SESTD1: variants seen among roughly 807,000 people sequenced by gnomAD.
SESTD1 encodes SEC14 and spectrin domain containing 1.
In SESTD1, 43 loss-of-function variants were observed where a neutral mutation model predicts 101.7. The observed-to-expected ratio is 0.42, with a 90% confidence interval of 0.33 to 0.55. The LOEUF is 0.55. Ranked by LOEUF, SESTD1 falls within the 20% of genes least tolerant of loss-of-function variation. The pLI is 0.07. For synonymous variants in SESTD1, 283 were observed against 286.8 expected (o/e 0.99, Z 0.13); for missense variants, 647 against 815.1 (o/e 0.79, Z 2.51).
chr2:179,205,289 T>G (rs1219542015), intron 1 of SESTD1, among the ~76,000 whole-genome samples: 1 of 132,440 alleles, frequency 7.6e-6, no homozygotes, highest in East Asian at 2.0e-4. Context: ...TCAAACCTAA[T>G]TAAACAGCAT....
intron 3 of SESTD1, among the ~76,000 whole-genome samples, chr2:179,178,560 C>T (rs1170427708): frequency 6.6e-6 from 1 of 152,122 alleles, no homozygotes; most frequent in African/African-American, 2.4e-5. Context: ...TGGAGTTCTC[C>T]ACCAACAAAA....
intron 10 of SESTD1, among the ~76,000 whole-genome samples, chr2:179,130,462 A>T (rs966385352): frequency 2.0e-5 from 3 of 152,266 alleles, no homozygotes; most frequent in Non-Finnish European, 1.5e-5. Flanking sequence ...TAAAAATACA[A>T]AACCAACATC....
intron 13 of SESTD1, among the ~76,000 whole-genome samples, chr2:179,117,899 A>C (rs966323755): frequency 1.3e-5 from 2 of 152,148 alleles, no homozygotes; most frequent in African/African-American, 2.4e-5. Context: ...GTACACTAAA[A>C]CCCAAAAAAA....
chr2:179,170,164 C>A (rs1422614658), intron 5 of SESTD1, among the ~76,000 whole-genome samples: 1 of 149,672 alleles, frequency 6.7e-6, no homozygotes. Flanking sequence ...CAACAAAAGT[C>A]TGATTAATAA....
At chr2:179,116,176 A>T (rs560602072) in intron 15 of SESTD1, among the ~76,000 whole-genome samples, 1 of 151,954 alleles carries the variant, frequency 6.6e-6, no homozygotes, top group South Asian at 2.1e-4. Flanking sequence ...CAGGTGGCTG[A>T]GGCATGAGAA....
chr2:179,145,859 T>C (rs1002052873), intron 8 of SESTD1, among the ~76,000 whole-genome samples: 3 of 152,136 alleles, frequency 2.0e-5, no homozygotes, highest in African/African-American at 7.2e-5. Flanking sequence ...ATAAACACAA[T>C]GTCTGGCACA....
intron 1 of SESTD1, among the ~76,000 whole-genome samples, chr2:179,238,242 T>C (rs1487214344): frequency 6.6e-6 from 1 of 152,110 alleles, no homozygotes; most frequent in Non-Finnish European, 1.5e-5. Context: ...CCTTGCTGTC[T>C]CAGGGGTGAC....
At chr2:179,227,315 T>C (rs1049614320) in intron 1 of SESTD1, among the ~76,000 whole-genome samples, 1 of 152,206 alleles carries the variant, frequency 6.6e-6, no homozygotes, top group African/African-American at 2.4e-5. Context: ...TAGTTATCTA[T>C]GAAACCTTTT....
chr2:179,197,795 A>T (rs530697431), intron 1 of SESTD1, among the ~76,000 whole-genome samples: 19 of 152,286 alleles, frequency 1.2e-4, no homozygotes, highest in African/African-American at 2.9e-4. Flanking sequence ...GCCCTAGAAG[A>T]GCTCTTGAAG....
intron 1 of SESTD1, among the ~76,000 whole-genome samples, chr2:179,259,046 G>A (rs1466044279): frequency 6.6e-6 from 1 of 152,158 alleles, no homozygotes; most frequent in Non-Finnish European, 1.5e-5. Flanking sequence ...GTGAATACTT[G>A]TAATGAGCCA....
chr2:179,165,899 C>G (rs1409603935), intron 5 of SESTD1, among the ~76,000 whole-genome samples: 1 of 152,158 alleles, frequency 6.6e-6, no homozygotes, highest in Non-Finnish European at 1.5e-5. Context: ...CCAACTCTTA[C>G]ATAACAATGA....
intron 1 of SESTD1, among the ~76,000 whole-genome samples, chr2:179,229,813 A>ACT (rs1302588815): frequency 7.2e-6 from 1 of 138,096 alleles, no homozygotes; most frequent in African/African-American, 2.7e-5. Flanking sequence ...ACACACACAC[A>ACT]CACAACCCTA....
chr2:179,129,451 A>T (rs2044958738), intron 10 of SESTD1, among the ~76,000 whole-genome samples: 1 of 152,204 alleles, frequency 6.6e-6, no homozygotes, highest in Non-Finnish European at 1.5e-5. Flanking sequence ...CTAGAACTAC[A>T]GGTTGGCAGA....
At chr2:179,112,963 G>T in intron 16 of SESTD1, 118 bp from the exon 17 acceptor site, 1 of 1,340,114 alleles carries the variant, frequency 7.5e-7, no homozygotes, top group Non-Finnish European at 9.9e-7. Flanking sequence ...ATGGAATCAA[G>T]CTCATACAAA....
intron 1 of SESTD1, among the ~76,000 whole-genome samples, chr2:179,249,667 A>G (rs2047286548): frequency 6.6e-6 from 1 of 152,158 alleles, no homozygotes. Flanking sequence ...ATTATCCTAA[A>G]AGTTACGTAC....
chr2:179,251,181 T>C (rs1168428039), intron 1 of SESTD1, among the ~76,000 whole-genome samples: 3 of 151,998 alleles, frequency 2.0e-5, no homozygotes, highest in African/African-American at 7.2e-5. Context: ...ATATATACAA[T>C]AAGATCCCAT....
rs944764486 is a variant in SESTD1 at position 179,203,595 on chromosome 2, A to G, written c.-25-11729T>C. The stretch of plus-strand genomic sequence containing the variant: ...AGGCTGCTCCTGAGTTGTATCCTTT[A>G]TAATAGTCCAGTAATCATAAATAAA... On this transcript the variant is annotated intron_variant, in intron 1 of 17. Coordinates refer to ENST00000428443, the MANE Select transcript of SESTD1 (RefSeq NM_178123.5). Among the ~76,000 whole-genome samples, 14 of 134,806 alleles carry G rather than the reference A, an allele frequency of 1.0e-4. 3 individuals carry two copies. The highest frequency in any genetic ancestry group is 1.0e-3 in the Admixed American group (14 of 13,828). 88.4% of individuals were successfully genotyped at this position (134,806 alleles called of 152,430 possible). A position where few individuals can be genotyped will look rare whatever the true frequency, so the allele number is the denominator to read the frequency against.
chr2:179,156,023 A>AAT (rs2045622018), intron 5 of SESTD1, among the ~76,000 whole-genome samples: 1 of 152,152 alleles, frequency 6.6e-6, no homozygotes, highest in South Asian at 2.1e-4. Flanking sequence ...CTTCACTTAG[A>AAT]ATAATAGTCT....
intron 3 of SESTD1, 81 bp downstream of exon 3, chr2:179,182,999 G>T: frequency 1.1e-6 from 1 of 941,084 alleles, no homozygotes; most frequent in Non-Finnish European, 1.6e-6. Flanking sequence ...AGATAGCAAA[G>T]TATAATTCAA....
Sources: gnomAD v4.1 joint callset for allele counts (sites outside exome capture counted in the v4.1 genomes callset) on GRCh38, gnomAD v4.1.1 for gene constraint, MANE v1.5 for transcripts, NCBI Gene and HGNC (gene_info 2026-07-23, HGNC 2026-07-21) for gene names.